The following SAMD4A variants were observed in gnomAD, a reference collection of about 807,000 sequenced individuals.
SAMD4A encodes the protein sterile alpha motif domain containing 4A.
A neutral mutation model predicts 81.3 loss-of-function variants in SAMD4A; 33 were observed. The ratio of observed to expected loss-of-function variants is 0.41; its 90% CI spans 0.31 to 0.54. The LOEUF (loss-of-function observed/expected upper bound fraction) is 0.54, where lower values mean the gene tolerates loss of function less well. Ranked by LOEUF, SAMD4A falls within the 20% of genes least tolerant of loss-of-function variation. The pLI is 0.37. For missense variants in SAMD4A, 854 were observed against 951.1 expected (o/e 0.90, Z 1.34); for synonymous variants, 389 against 382.1 (o/e 1.02, Z -0.21).
intron 2 of SAMD4A, chr14:54,685,650 G>C: frequency 2.2e-6 from 1 of 454,350 alleles, no homozygotes; most frequent in Non-Finnish European, 4.4e-6. Context: ...TTGCAGAGAA[G>C]CTGATTGTGG....
chr14:54,710,915 C>T (rs548863218), intron 3 of SAMD4A, among the ~76,000 whole-genome samples: 5 of 152,310 alleles, frequency 3.3e-5, no homozygotes, highest in South Asian at 2.1e-4. Context: ...ATGTCAAATT[C>T]CTGGCACAGA....
In SAMD4A at chr14:54,640,133, C is replaced by G. The variant is rs889606798; in HGVS notation, c.197-61929C>G. 2.0e-5 allele frequency among the ~76,000 whole-genome samples: 3 copies of G among 152,196 alleles called. No homozygotes were observed. In the East Asian group the frequency reaches 5.8e-4, roughly 29 times the overall value. On this transcript the variant is annotated intron_variant, in intron 2 of 12. Coordinates refer to ENST00000554335, the MANE Select transcript of SAMD4A (RefSeq NM_015589.6). ...GGAAGAGTAGCTTCTGTTGGCCCTCCCCCGAAGAAACAAAACCAAACCTAC... is the reference window on the plus strand; with the variant it reads ...GGAAGAGTAGCTTCTGTTGGCCCTCGCCCGAAGAAACAAAACCAAACCTAC...
chr14:54,625,300 G>A (rs1292599053), intron 2 of SAMD4A, among the ~76,000 whole-genome samples: 6 of 152,184 alleles, frequency 3.9e-5, no homozygotes, highest in Non-Finnish European at 4.4e-5. Flanking sequence ...CATTCAGATC[G>A]AAAGCTCTCT....
At chr14:54,727,249 G>A (rs1351267341) in intron 3 of SAMD4A, among the ~76,000 whole-genome samples, 1 of 125,958 alleles carries the variant, frequency 7.9e-6, no homozygotes, top group Non-Finnish European at 1.6e-5. Context: ...GAGTGCAGTG[G>A]CACGATCTCG....
intron 3 of SAMD4A, among the ~76,000 whole-genome samples, chr14:54,714,246 T>C (rs1309652515): frequency 6.6e-6 from 1 of 152,162 alleles, no homozygotes; most frequent in Non-Finnish European, 1.5e-5. Flanking sequence ...TTTAAAGGCA[T>C]TTGCAAAAAC....
At chr14:54,658,749 A>G (rs1479700510) in intron 2 of SAMD4A, among the ~76,000 whole-genome samples, 1 of 152,126 alleles carries the variant, frequency 6.6e-6, no homozygotes, top group Admixed American at 6.5e-5. Flanking sequence ...GGGTCATTCC[A>G]TCTCCCCAGT....
chr14:54,641,164 A>G (rs1012414938), intron 2 of SAMD4A, among the ~76,000 whole-genome samples: 5 of 152,222 alleles, frequency 3.3e-5, no homozygotes, highest in African/African-American at 1.2e-4. Context: ...CTCATCTGTA[A>G]AATGGGGATA....
intron 3 of SAMD4A, among the ~76,000 whole-genome samples, chr14:54,726,049 T>A (rs565644628): frequency 1.3e-5 from 2 of 152,228 alleles, no homozygotes; most frequent in Admixed American, 1.3e-4. Flanking sequence ...TCTAACAAGA[T>A]CCCAGTTGAT....
chr14:54,683,659 A>G (rs941490655), intron 2 of SAMD4A, among the ~76,000 whole-genome samples: 5 of 152,212 alleles, frequency 3.3e-5, no homozygotes, highest in African/African-American at 1.2e-4. Context: ...AGAAGGTGGC[A>G]CAGGAGTCTT....
intron 3 of SAMD4A, among the ~76,000 whole-genome samples, chr14:54,715,510 G>C (rs1220075353): frequency 6.6e-6 from 1 of 152,044 alleles, no homozygotes; most frequent in Non-Finnish European, 1.5e-5. Context: ...ATCTAATACG[G>C]TTTTGGTCCC....
At chr14:54,662,397 TA>T (rs1230841232) in intron 2 of SAMD4A, among the ~76,000 whole-genome samples, 31 of 150,384 alleles carry the variant, frequency 2.1e-4, no homozygotes, top group African/African-American at 7.4e-4. Flanking sequence ...ATGGGACACT[TA>T]TTTTTTTTTT....
At chr14:54,704,928 T>C (rs1389888365) in intron 3 of SAMD4A, among the ~76,000 whole-genome samples, 1 of 152,206 alleles carries the variant, frequency 6.6e-6, no homozygotes, top group African/African-American at 2.4e-5. Context: ...CAATAAACCC[T>C]GAGCACCTGG....
At chr14:54,781,435 C>T (rs895714736) in intron 11 of SAMD4A, among the ~76,000 whole-genome samples, 12 of 152,344 alleles carry the variant, frequency 7.9e-5, no homozygotes, top group African/African-American at 1.9e-4. Context: ...CTACTCCATA[C>T]GTGTGGGACT....
At position 54,626,051 on chromosome 14, in the gene SAMD4A, TGTGTGTGTGCGCGCGC is replaced by T. The variant is rs1416605957; in HGVS notation, c.196+57941_196+57956del. The stretch of plus-strand genomic sequence containing the variant: ...GTGTGTGTGTGTGTGTGTGTGTGTG[TGTGTGTGTGCGCGCGC>T]GCGCGCGCGAGTGCGCACATGTGCA... On this transcript the variant is annotated intron_variant, in intron 2 of 12. Coordinates refer to ENST00000554335, the MANE Select transcript of SAMD4A (RefSeq NM_015589.6). 6.2e-5 allele frequency among the ~76,000 whole-genome samples: 8 copies of T among 129,624 alleles called. No individual in the cohort carries two copies. The East Asian group carries it at 1.1e-3, about 17-fold the overall frequency. The allele number at this position is 129,624 out of a possible 152,430, so 85.0% of individuals were successfully genotyped here. A position where few individuals can be genotyped will look rare whatever the true frequency, so the allele number is the denominator to read the frequency against.
intron 9 of SAMD4A, among the ~76,000 whole-genome samples, chr14:54,773,513 T>C (rs1012915442): frequency 2.6e-5 from 4 of 152,242 alleles, no homozygotes; most frequent in African/African-American, 9.6e-5. Flanking sequence ...CCGGCTGCTG[T>C]ATAACCTCCC....
At position 54,600,954 on chromosome 14, in the gene SAMD4A, C is replaced by T. The variant is rs541876798; in HGVS notation, c.196+32842C>T. Among the ~76,000 whole-genome samples the T allele has an allele frequency of 2.0e-5, 3 of 152,326 alleles. No individual in the cohort carries two copies. The South Asian group carries it at 6.2e-4, about 32-fold the overall frequency. On this transcript the variant is annotated intron_variant, in intron 2 of 12. Coordinates refer to ENST00000554335, the MANE Select transcript of SAMD4A (RefSeq NM_015589.6). ...GCATAGCTATGCCTTTAGTGAGCTGCATTTCAGTATCTGGGTTTTGGCTTC... is the reference window on the plus strand; with the variant it reads ...GCATAGCTATGCCTTTAGTGAGCTGTATTTCAGTATCTGGGTTTTGGCTTC...
At position 54,599,058 on chromosome 14, in the gene SAMD4A, G is replaced by A. The variant is rs576599990; in HGVS notation, c.196+30946G>A. On this transcript the variant is annotated intron_variant, in intron 2 of 12. Coordinates refer to ENST00000554335, the MANE Select transcript of SAMD4A (RefSeq NM_015589.6). ...TGGTCTTGAACTCCTGGGCTCAAGCGATCCTCCCACCTCGGCCTCCCAAAG... is the reference window on the plus strand; with the variant it reads ...TGGTCTTGAACTCCTGGGCTCAAGCAATCCTCCCACCTCGGCCTCCCAAAG... Among the ~76,000 whole-genome samples, 145 of 152,216 alleles carry A rather than the reference G, an allele frequency of 9.5e-4. 1 individual carries two copies. The highest frequency in any genetic ancestry group is 3.3e-3 in the African/African-American group (139 of 41,520).
chr14:54,751,782 C>T (rs1453174207), intron 6 of SAMD4A, among the ~76,000 whole-genome samples: 2 of 152,204 alleles, frequency 1.3e-5, no homozygotes, highest in African/African-American at 4.8e-5. Flanking sequence ...TCCTAGAGCC[C>T]TGATGAAGTG....
At position 54,775,011 on chromosome 14, in the gene SAMD4A, A is replaced by T; in HGVS notation, c.1793A>T (p.Gln598Leu). Residue 598 changes from glutamine (Q) to leucine (L), a missense_variant, in exon 10 of 13, where the codon CAG becomes CTG. Gln to Leu is a moderately radical substitution (Grantham distance 113). This residue lies in a region of SAMD4A where 428 missense variants were observed against 471.2 expected (regional missense o/e 0.91). Transcript: ENST00000554335. ...GGCATGGGCAGACGGAACCCGCGCC[A>T]GTACCAGATCCCCTCTCGGAACGTC... ...GGGMGRRNPR[Q>L]YQIPSRNVPS... The T allele has an allele frequency of 6.2e-7, 1 of 1,614,180 alleles. No individual in the cohort carries two copies. The highest frequency in any genetic ancestry group is 1.1e-5 in the South Asian group (1 of 91,084).
Sources: gnomAD v4.1 joint callset for allele counts (sites outside exome capture counted in the v4.1 genomes callset) on GRCh38, gnomAD v4.1.1 for gene constraint, gnomAD v4.1.1 regional missense constraint, MANE v1.5 for transcripts, NCBI Gene and HGNC (gene_info 2026-07-23, HGNC 2026-07-21) for gene names.